ATAD3A: variants seen among roughly 807,000 people sequenced by gnomAD.
ATAD3A encodes ATPase family AAA domain-containing protein 3A.
A neutral mutation model predicts 73.8 loss-of-function variants in ATAD3A; 46 were observed. The observed-to-expected ratio is 0.62, with a 90% CI of 0.49 to 0.80. ATAD3A has a LOEUF of 0.80. ATAD3A is among the 30% of genes least tolerant of loss of function. The pLI is 0.00. For synonymous variants in ATAD3A, 319 were observed against 350.0 expected, an observed-to-expected ratio of 0.91 and a Z score of 0.99; for missense variants, 705 against 838.0, an observed-to-expected ratio of 0.84 and a Z score of 1.96.
chr1:1,528,617 C>T (rs1570353972), intron 14 of ATAD3A, among the ~76,000 whole-genome samples: 4 of 152,340 alleles, frequency 2.6e-5, no homozygotes, highest in African/African-American at 9.6e-5. Flanking sequence ...TGATGAGGGG[C>T]CCTGGCACCA....
At chr1:1,513,125 C>T (rs1355465734) in intron 1 of ATAD3A, among the ~76,000 whole-genome samples, 1 of 152,238 alleles carries the variant, frequency 6.6e-6, no homozygotes, top group East Asian at 1.9e-4. Flanking sequence ...GCTGGGATGA[C>T]AGGCGTGAGC....
chr1:1,518,892 T>A (rs10159059), intron 4 of ATAD3A, 29 bp from the exon 5 acceptor site: 65,968 of 1,613,060 alleles, frequency 0.041, 6,485 homozygotes, highest in East Asian at 0.31. Flanking sequence ...TTTTAAAGGC[T>A]TTTCTCTTTT....
chr1:1,523,405 G>A lies in ATAD3A; in HGVS notation c.907-106G>A. On this transcript the variant is annotated intron_variant, in intron 8 of 15. Coordinates refer to ENST00000378756, the MANE Select transcript of ATAD3A (RefSeq NM_001170535.3). The surrounding 1 kb of genome is among the most constrained non-coding windows in gnomAD (Gnocchi z 5.1). ...TCCGGGCCGGTCCTGGCTGTGCTTT[G>A]GGGCAGCTCCGTTTCTGCGTGTTAC... The A allele has an allele frequency of 6.6e-7, 1 of 1,521,808 alleles. No individual in the cohort carries two copies. The highest frequency in any genetic ancestry group is 1.2e-5 in the South Asian group (1 of 82,736). The allele number at this position is 1,521,808 out of a possible 1,614,324, so 94.3% of individuals were successfully genotyped here.
Position 1,534,223 on chromosome 1 carries a change from C to G in ATAD3A, c.*151C>G, listed in dbSNP as rs1164888637. 3 of 1,501,686 alleles carry G rather than the reference C, an allele frequency of 2.0e-6. No homozygotes were observed. The Admixed American group carries it at 6.2e-5, about 31-fold the overall frequency. 93.0% of individuals were successfully genotyped at this position (1,501,686 alleles called of 1,614,324 possible). On this transcript the variant is annotated 3_prime_UTR_variant, in exon 16 of 16. Coordinates refer to ENST00000378756, the MANE Select transcript of ATAD3A (RefSeq NM_001170535.3). ...CCCCAGGATGTCTTGTGGTGCGGGT[C>G]GGCCGTTCTGCCCCCCAGGGCACCC...
intron 1 of ATAD3A, among the ~76,000 whole-genome samples, chr1:1,513,895 C>A (rs1641275683): frequency 6.6e-6 from 1 of 152,112 alleles, no homozygotes; most frequent in Admixed American, 6.5e-5. Context: ...CCTCCTCTGT[C>A]CCTTGAGGCT....
In ATAD3A at chr1:1,512,238, C is replaced by A. The variant is rs1198808900; in HGVS notation, c.-31C>A. The A allele has an allele frequency of 2.4e-6, 3 of 1,275,566 alleles. No homozygotes were observed. Among genetic ancestry groups the A allele is most frequent in the South Asian group, 3.4e-5 (1 of 29,210 alleles). The allele number at this position is 1,275,566 out of a possible 1,614,324, so 79.0% of individuals were successfully genotyped here. On this transcript the variant is annotated 5_prime_UTR_variant, in exon 1 of 16. Transcript: ENST00000378756. ...GCGAGTCAGACTCGGGTGGGGGTCC[C>A]GGCGGCGGTAGCGGCGGCGGCGGTG...
In ATAD3A at chr1:1,524,022, A is replaced by T. The variant is rs1641710654; in HGVS notation, c.1089+58A>T. 1.9e-6 allele frequency: 3 copies of T among 1,611,948 alleles called. No homozygotes were observed. The Admixed American group carries it at 5.0e-5, about 27-fold the overall frequency. ...GGCCGCTGGGGTCTCACCTGCCTGC[A>T]GGTGTCTGGGGGGCTCAGCTGCCTG... is the stretch of plus-strand genomic sequence containing the variant. On this transcript the variant is annotated intron_variant, in intron 10 of 15. Coordinates refer to ENST00000378756, the MANE Select transcript of ATAD3A (RefSeq NM_001170535.3).
At position 1,520,284 on chromosome 1, in the gene ATAD3A, C is replaced by T. The variant is rs755120064; in HGVS notation, c.658C>T (p.Gln220Ter). The T allele has an allele frequency of 1.2e-6, 2 of 1,613,130 alleles. No homozygotes were observed. Among genetic ancestry groups the T allele is most frequent in the South Asian group, 1.1e-5 (1 of 91,044 alleles). ...QIRLKAAEHR[Q>*]TVLESIRTAG... is the part of the protein sequence containing the mutation. ...CCGCCTGAAGGCGGCCGAGCACCGT[C>T]AGACCGTCTTGGAGTCCATCAGGTG... The change falls in exon 6 of 16, where the codon CAG becomes TAG. Residue 220 changes from glutamine (Q) to a stop codon, truncating the protein, a stop_gained. Transcript: ENST00000378756. LOFTEE classifies it high-confidence loss of function. The surrounding 1 kb of genome is among the most constrained non-coding windows in gnomAD (Gnocchi z 4.0).
intron 15 of ATAD3A, 47 bp downstream of exon 15, chr1:1,529,378 G>A (rs1361835921): frequency 2.0e-6 from 3 of 1,520,778 alleles, no homozygotes; most frequent in Non-Finnish European, 1.8e-6. Context: ...CCCAGCTGCT[G>A]TGGAGATGCT....
chr1:1,520,374 G>T lies in ATAD3A; in HGVS notation c.680+68G>T. The T allele has an allele frequency of 1.3e-6, 2 of 1,595,738 alleles. No individual in the cohort carries two copies. The highest frequency in any genetic ancestry group is 1.8e-4 in the Middle Eastern group (1 of 5,710). On this transcript the variant is annotated intron_variant, in intron 6 of 15. Coordinates refer to ENST00000378756, the MANE Select transcript of ATAD3A (RefSeq NM_001170535.3). The surrounding 1 kb of genome is among the most constrained non-coding windows in gnomAD (Gnocchi z 4.0). ...GCAGGTGTGAGTCGCTGGTCCCAGG[G>T]CGCTCTCCAGCTCTTCCAGGCCTTG... is the stretch of plus-strand genomic sequence containing the variant.
chr1:1,525,370 C>T lies in ATAD3A; in HGVS notation c.1266+79C>T. 7 of 1,508,576 alleles carry T rather than the reference C, an allele frequency of 4.6e-6. No individual in the cohort carries two copies. The Admixed American group carries it at 5.2e-5, about 11-fold the overall frequency. The allele number at this position is 1,508,576 out of a possible 1,614,324, so 93.4% of individuals were successfully genotyped here. A position where few individuals can be genotyped will look rare whatever the true frequency, so the allele number is the denominator to read the frequency against. On this transcript the variant is annotated intron_variant, in intron 12 of 15. Transcript: ENST00000378756. ...TCTGCCTGGGCCAGGCTGCAGCCCT[C>T]TGTTCAGTTTCTTTTTCTCTGTAAG...
intron 14 of ATAD3A, among the ~76,000 whole-genome samples, chr1:1,528,645 G>A (rs1168820620): frequency 2.0e-5 from 3 of 152,240 alleles, no homozygotes; most frequent in African/African-American, 7.2e-5. Flanking sequence ...GCTGCCTCGG[G>A]AACACTCCAG....
chr1:1,532,641 C>T (rs184818055), intron 15 of ATAD3A, among the ~76,000 whole-genome samples: 30 of 152,298 alleles, frequency 2.0e-4, no homozygotes, highest in Admixed American at 1.2e-3. Flanking sequence ...GGGGTGGCCC[C>T]GTGAGCATCT....
At chr1:1,529,134 G>T in intron 14 of ATAD3A, 89 bp from the exon 15 acceptor site, 8 of 1,552,218 alleles carry the variant, frequency 5.2e-6, no homozygotes, top group Non-Finnish European at 6.1e-6. Context: ...TTTGGCGTGG[G>T]TGTCGGCCTC....
chr1:1,527,309 C>T (rs1448200849), intron 13 of ATAD3A: 59 of 1,144,326 alleles, frequency 5.2e-5, no homozygotes, highest in Non-Finnish European at 6.4e-5. Context: ...AGGCTGGGGC[C>T]CTGCTGAGCC....
At position 1,520,441 on chromosome 1, in the gene ATAD3A, T is replaced by C. The variant is rs1641549061; in HGVS notation, c.681-107T>C. 1 of 1,603,884 alleles carries C rather than the reference T, an allele frequency of 6.2e-7. No homozygotes were observed. Among genetic ancestry groups the C allele is most frequent in the East Asian group, 2.2e-5 (1 of 44,740 alleles). On this transcript the variant is annotated intron_variant, in intron 6 of 15. Coordinates refer to ENST00000378756, the MANE Select transcript of ATAD3A (RefSeq NM_001170535.3). The surrounding 1 kb of genome is among the most constrained non-coding windows in gnomAD (Gnocchi z 4.0). ...CCTTGGTGGGGGCACTGCCCCTCTG[T>C]CCTGGCAAGGCCGTGCCGCCATGTC...
intron 1 of ATAD3A, 104 bp from the exon 2 acceptor site, chr1:1,515,908 G>A (rs892963782): frequency 1.7e-5 from 23 of 1,339,794 alleles, no homozygotes; most frequent in East Asian, 2.5e-5. Flanking sequence ...CTTTGAGGTC[G>A]AGGCGTGGCC....
chr1:1,530,847 A>C lies in ATAD3A; in HGVS notation c.1614+1516A>C, dbSNP rs1190209656. On this transcript the variant is annotated intron_variant, in intron 15 of 15. Coordinates refer to ENST00000378756, the MANE Select transcript of ATAD3A (RefSeq NM_001170535.3). ...CCGTCTCAAAAAAAAAAAAAAAAAA[A>C]AAAAAAAACTAAGAATAATTTGGAA... Among the ~76,000 whole-genome samples, 3 of 98,912 alleles carry C rather than the reference A, an allele frequency of 3.0e-5. 1 individual carries two copies. The highest frequency in any genetic ancestry group is 4.3e-4 in the East Asian group (1 of 2,332). 64.9% of individuals were successfully genotyped at this position (98,912 alleles called of 152,430 possible). A position where few individuals can be genotyped will look rare whatever the true frequency, so the allele number is the denominator to read the frequency against.
In ATAD3A at chr1:1,534,204, G is replaced by T; in HGVS notation, c.*132G>T. On this transcript the variant is annotated 3_prime_UTR_variant, in exon 16 of 16. Transcript: ENST00000378756. ...TGTGCCCAGGGCCTCTGTCCCCCAG[G>T]ATGTCTTGTGGTGCGGGTCGGCCGT... 4 of 1,539,794 alleles carry T rather than the reference G, an allele frequency of 2.6e-6. No homozygotes were observed. Among genetic ancestry groups the T allele is most frequent in the Non-Finnish European group, 3.5e-6 (4 of 1,143,170 alleles).
Sources: gnomAD v4.1 joint callset for allele counts (sites outside exome capture counted in the v4.1 genomes callset) on GRCh38, gnomAD v4.1.1 for gene constraint, Gnocchi (gnomAD v3.1) non-coding constraint, MANE v1.5 for transcripts, NCBI Gene and HGNC (gene_info 2026-07-23, HGNC 2026-07-21) for gene names.